Variants in HLCS observed in about 807,000 individuals in gnomAD.
HLCS encodes the protein biotin--protein ligase.
A neutral mutation model predicts 75.0 loss-of-function variants in HLCS; 53 were observed. That is an observed-to-expected ratio of 0.71 (90% CI 0.57 to 0.89). The LOEUF is 0.89. HLCS is among the 40% of genes least tolerant of loss of function. The probability of loss-of-function intolerance (pLI) is 0.00; values close to 1 mark genes in which losing one functional copy is unlikely to be tolerated. For missense variants in HLCS, 966 were observed against 1,074.0 expected, an observed-to-expected ratio of 0.90 and a Z score of 1.41; for synonymous variants, 431 against 428.6, an observed-to-expected ratio of 1.01 and a Z score of -0.07.
intron 6 of HLCS, among the ~76,000 whole-genome samples, chr21:36,770,658 C>A (rs1343055870): frequency 6.6e-6 from 1 of 151,294 alleles, no homozygotes. Context: ...ATAGCCTGGA[C>A]CTCCAGGGCT....
At chr21:36,926,767 G>T in intron 5 of HLCS, among the ~76,000 whole-genome samples, 1 of 131,752 alleles carries the variant, frequency 7.6e-6, no homozygotes, top group Non-Finnish European at 1.6e-5. Context: ...TTTTGAGACA[G>T]GGTCTCACTC....
chr21:36,830,485 G>C (rs1336087716), intron 6 of HLCS, among the ~76,000 whole-genome samples: 6 of 152,124 alleles, frequency 3.9e-5, no homozygotes, highest in African/African-American at 1.2e-4. Context: ...CTTAGCAGCA[G>C]GGAGCTCTGT....
intron 6 of HLCS, among the ~76,000 whole-genome samples, chr21:36,851,298 C>T (rs2062997621): frequency 1.3e-5 from 2 of 152,152 alleles, no homozygotes; most frequent in Non-Finnish European, 1.5e-5. Flanking sequence ...CAACAGATGA[C>T]TGGACAAAGA....
At chr21:36,866,353 A>G (rs139412702) in intron 6 of HLCS, among the ~76,000 whole-genome samples, 189 of 152,362 alleles carry the variant, frequency 1.2e-3, no homozygotes, top group African/African-American at 4.4e-3. Context: ...CAAATGTGAC[A>G]TGATTATGAA....
In HLCS at chr21:36,852,373, C is replaced by T. The variant is rs888093180; in HGVS notation, c.1892+44487G>A. ...TGGAGCCCCTCTGGGTTATCTAACACGGGAAGACCAGAGGCTTTCTCTCCT... is the reference window on the plus strand; with the variant it reads ...TGGAGCCCCTCTGGGTTATCTAACATGGGAAGACCAGAGGCTTTCTCTCCT... On this transcript the variant is annotated intron_variant, in intron 6 of 10. Coordinates refer to ENST00000674895, the MANE Select transcript of HLCS (RefSeq NM_001352514.2). Among the ~76,000 whole-genome samples the T allele has an allele frequency of 5.8e-4, 89 of 152,310 alleles. 1 individual carries two copies. Among genetic ancestry groups the T allele is most frequent in the Non-Finnish European group, 7.8e-4 (53 of 68,026 alleles).
chr21:36,778,692 C>T lies in HLCS; in HGVS notation c.1893-11407G>A, dbSNP rs150301141. 5.4e-3 allele frequency among the ~76,000 whole-genome samples: 824 copies of T among 152,254 alleles called. 2 individuals carry two copies. Among genetic ancestry groups the T allele is most frequent in the African/African-American group, 0.017 (693 of 41,508 alleles). ...GAGTAACTTTTTCTTCTCCCCTCCACTTATTATTTATCTTTTAATTTATTT... is the reference window on the plus strand; with the variant it reads ...GAGTAACTTTTTCTTCTCCCCTCCATTTATTATTTATCTTTTAATTTATTT... On this transcript the variant is annotated intron_variant, in intron 6 of 10. Transcript: ENST00000674895.
rs1376040224 is a variant in HLCS at position 36,756,679 on chromosome 21, G to C, written c.2313C>G (p.His771Gln). The C allele has an allele frequency of 6.2e-7, 1 of 1,613,996 alleles. No homozygotes were observed. Among genetic ancestry groups the C allele is most frequent in the Non-Finnish European group, 8.5e-7 (1 of 1,180,034 alleles). The change falls in exon 10 of 11, where the codon CAC becomes CAG. Residue 771 changes from histidine (H) to glutamine (Q), a missense_variant. Transcript: ENST00000674895. ...NDLITEYNKQ[H>Q]KAELKPLRAD... ...CTCTTAAGGGCTTCAGTTCTGCCTT[G>C]TGTTGTTTATTGTATTCTGTGATGA...
At chr21:36,967,602 C>T (rs767242662), upstream of HLCS, among the ~76,000 whole-genome samples, 62 of 152,222 alleles carry the variant, frequency 4.1e-4, no homozygotes, top group Non-Finnish European at 7.8e-4. Flanking sequence ...TGAACAGCTG[C>T]GAAGCACAGC....
intron 2 of HLCS, among the ~76,000 whole-genome samples, chr21:36,947,107 AGCC>A (rs1398551095): frequency 2.6e-5 from 4 of 152,224 alleles, no homozygotes; most frequent in Admixed American, 2.6e-4. Flanking sequence ...AGAACCGCTC[AGCC>A]AATGGAGACT....
intron 5 of HLCS, among the ~76,000 whole-genome samples, chr21:36,902,754 C>T (rs1234285234): frequency 6.6e-6 from 1 of 152,186 alleles, no homozygotes; most frequent in Non-Finnish European, 1.5e-5. Context: ...TTCTGAGCAG[C>T]GCCTTCCCCA....
intron 2 of HLCS, among the ~76,000 whole-genome samples, chr21:36,953,076 G>A (rs1282530128): frequency 2.0e-5 from 3 of 152,134 alleles, no homozygotes; most frequent in East Asian, 1.9e-4. Context: ...AGCAGAAGTC[G>A]CCACGTGAAA....
At chr21:36,952,500 T>G (rs2067712911) in intron 2 of HLCS, among the ~76,000 whole-genome samples, 1 of 152,016 alleles carries the variant, frequency 6.6e-6, no homozygotes, top group Non-Finnish European at 1.5e-5. Flanking sequence ...AAATTAAGAA[T>G]TAAGTAACCA....
chr21:36,820,845 T>C (rs900373512), intron 6 of HLCS, among the ~76,000 whole-genome samples: 3 of 152,196 alleles, frequency 2.0e-5, no homozygotes, highest in Non-Finnish European at 4.4e-5. Context: ...AGCTTTTGTC[T>C]TTTCGATGAC....
intron 6 of HLCS, among the ~76,000 whole-genome samples, chr21:36,803,541 G>A (rs1569032228): frequency 6.6e-6 from 1 of 152,230 alleles, no homozygotes; most frequent in Non-Finnish European, 1.5e-5. Context: ...GCAGCAGCTT[G>A]CTTTTGGCAT....
At chr21:36,830,614 G>A (rs1202616728) in intron 6 of HLCS, among the ~76,000 whole-genome samples, 1 of 151,886 alleles carries the variant, frequency 6.6e-6, no homozygotes, top group Non-Finnish European at 1.5e-5. Flanking sequence ...TGGGCTGATC[G>A]CTTGAGCCTA....
chr21:36,875,022 C>G (rs895389043), intron 6 of HLCS, among the ~76,000 whole-genome samples: 1 of 152,168 alleles, frequency 6.6e-6, no homozygotes, highest in African/African-American at 2.4e-5. Flanking sequence ...TGCAGAGTAG[C>G]CAGCACTCCC....
At chr21:36,836,662 T>C (rs952186239) in intron 6 of HLCS, among the ~76,000 whole-genome samples, 1 of 151,020 alleles carries the variant, frequency 6.6e-6, no homozygotes, top group Non-Finnish European at 1.5e-5. Flanking sequence ...CAAACAAATT[T>C]ACAAGAAAAA....
intron 2 of HLCS, among the ~76,000 whole-genome samples, chr21:36,951,493 C>T (rs1366935821): frequency 1.3e-5 from 2 of 152,208 alleles, no homozygotes; most frequent in Admixed American, 1.3e-4. Flanking sequence ...CCCCCATAAT[C>T]CCTATCCATG....
At chr21:36,815,963 C>T (rs1351294934) in intron 6 of HLCS, among the ~76,000 whole-genome samples, 1 of 152,180 alleles carries the variant, frequency 6.6e-6, no homozygotes, top group African/African-American at 2.4e-5. Context: ...TAATTGATTA[C>T]ATGGAATAGG....
Sources: gnomAD v4.1 joint callset for allele counts (sites outside exome capture counted in the v4.1 genomes callset) on GRCh38, gnomAD v4.1.1 for gene constraint, MANE v1.5 for transcripts, NCBI Gene and HGNC (gene_info 2026-07-23, HGNC 2026-07-21) for gene names.